Variants in PDE1C observed in about 807,000 individuals in gnomAD.
PDE1C encodes phosphodiesterase 1C.
In PDE1C, 62 loss-of-function variants were observed where a neutral mutation model predicts 93.1. That is an observed-to-expected ratio of 0.67 (90% CI 0.54 to 0.82). PDE1C has a LOEUF of 0.82. PDE1C is among the 40% of genes least tolerant of loss of function. The pLI, the probability that PDE1C is intolerant of heterozygous loss-of-function variation, is 0.00. For synonymous variants in PDE1C, 325 were observed against 310.1 expected, an observed-to-expected ratio of 1.05 and a Z score of -0.50; for missense variants, 742 against 884.6, an observed-to-expected ratio of 0.84 and a Z score of 2.04.
intron 2 of PDE1C, among the ~76,000 whole-genome samples, chr7:31,969,439 G>A (rs1234269086): frequency 2.0e-5 from 3 of 152,092 alleles, no homozygotes; most frequent in South Asian, 4.1e-4. Flanking sequence ...AAACCACAAC[G>A]AGATACCATC....
chr7:31,880,896 G>C (rs765766234), intron 2 of PDE1C, 36 bp from the exon 3 acceptor site: 1 of 1,263,668 alleles, frequency 7.9e-7, no homozygotes, highest in Non-Finnish European at 1.2e-6. Context: ...CATTAGAATA[G>C]AGGAAACAAA....
intron 1 of PDE1C, among the ~76,000 whole-genome samples, chr7:32,376,115 C>T (rs191702423): frequency 1.2e-4 from 19 of 152,190 alleles, no homozygotes; most frequent in African/African-American, 4.6e-4. Flanking sequence ...CAAGATCATG[C>T]CACTGCACTC....
chr7:32,195,910 G>A (rs780511472), intron 2 of PDE1C, among the ~76,000 whole-genome samples: 40 of 152,122 alleles, frequency 2.6e-4, no homozygotes, highest in Non-Finnish European at 3.5e-4. Context: ...GGGAAGGGGT[G>A]AGAGTTTCAG....
chr7:32,053,025 T>C, intron 1 of PDE1C, among the ~76,000 whole-genome samples: 1 of 152,322 alleles, frequency 6.6e-6, no homozygotes. Context: ...TATTTCCATG[T>C]TTATATTATA....
At chr7:32,061,103 AT>A (rs1487545655) in intron 1 of PDE1C, among the ~76,000 whole-genome samples, 2 of 152,218 alleles carry the variant, frequency 1.3e-5, no homozygotes, top group Non-Finnish European at 2.9e-5. Flanking sequence ...AGTCTTGGTT[AT>A]TTAAGCATTT....
At chr7:32,120,535 T>C (rs1224683170) in intron 3 of PDE1C, among the ~76,000 whole-genome samples, 1 of 152,160 alleles carries the variant, frequency 6.6e-6, no homozygotes. Flanking sequence ...CAGGCACCAG[T>C]CTTTGTTGTT....
chr7:32,058,483 C>G (rs75527031), intron 1 of PDE1C, among the ~76,000 whole-genome samples: 1,854 of 152,298 alleles, frequency 0.012, 21 homozygotes, highest in Non-Finnish European at 0.016. Context: ...TCTGAACGAT[C>G]ATCTGATCCT....
intron 1 of PDE1C, among the ~76,000 whole-genome samples, chr7:32,223,749 C>G (rs12701192): frequency 0.12 from 18,316 of 152,244 alleles, 1,195 homozygotes; most frequent in East Asian, 0.23. Flanking sequence ...AAGCCCCCCT[C>G]ATCAAATATT....
At chr7:31,952,208 C>G (rs1437315566) in intron 2 of PDE1C, among the ~76,000 whole-genome samples, 9 of 152,086 alleles carry the variant, frequency 5.9e-5, no homozygotes, top group Non-Finnish European at 7.4e-5. Context: ...TATAAATTCC[C>G]TACCCTTCTT....
chr7:32,069,594 A>G (rs1795788400), intron 1 of PDE1C, among the ~76,000 whole-genome samples: 1 of 152,062 alleles, frequency 6.6e-6, no homozygotes, highest in Non-Finnish European at 1.5e-5. Context: ...TTTTCAGGTC[A>G]CCTCTCCTCA....
At chr7:31,964,406 G>C (rs1563109419) in intron 2 of PDE1C, among the ~76,000 whole-genome samples, 1 of 152,244 alleles carries the variant, frequency 6.6e-6, no homozygotes, top group Non-Finnish European at 1.5e-5. Flanking sequence ...GTGAGGCTGG[G>C]GGAGGGGCGC....
intron 1 of PDE1C, among the ~76,000 whole-genome samples, chr7:32,291,498 T>C (rs544249622): frequency 2.0e-5 from 3 of 152,336 alleles, no homozygotes; most frequent in East Asian, 1.9e-4. Context: ...AGTTAGCATA[T>C]AGGTGAAATA....
At chr7:31,832,792 A>G (rs974663149) in intron 11 of PDE1C, among the ~76,000 whole-genome samples, 10 of 152,212 alleles carry the variant, frequency 6.6e-5, no homozygotes, top group African/African-American at 2.4e-4. Context: ...TTATTCGAGT[A>G]TATGTATGTG....
intron 1 of PDE1C, among the ~76,000 whole-genome samples, chr7:32,409,742 T>C (rs1423329785): frequency 1.3e-5 from 2 of 151,958 alleles, no homozygotes; most frequent in African/African-American, 4.8e-5. Flanking sequence ...TAGGAATCTT[T>C]GAATAATTTC....
intron 1 of PDE1C, among the ~76,000 whole-genome samples, chr7:32,418,481 A>T (rs1405614678): frequency 6.6e-6 from 1 of 152,196 alleles, no homozygotes; most frequent in African/African-American, 2.4e-5. Flanking sequence ...GTTCCTATGA[A>T]ATATAATGAT....
At chr7:31,937,279 A>T (rs1339026589) in intron 2 of PDE1C, among the ~76,000 whole-genome samples, 2 of 152,198 alleles carry the variant, frequency 1.3e-5, no homozygotes, top group African/African-American at 4.8e-5. Context: ...TTGCAGGACC[A>T]TTTCAAAATA....
chr7:32,141,534 C>T (rs868840826), intron 3 of PDE1C, among the ~76,000 whole-genome samples: 1 of 152,048 alleles, frequency 6.6e-6, no homozygotes. Context: ...ATCATAAAAC[C>T]CTAAACTAAT....
At chr7:31,990,619 T>C (rs550410184) in intron 2 of PDE1C, among the ~76,000 whole-genome samples, 2 of 152,312 alleles carry the variant, frequency 1.3e-5, no homozygotes, top group African/African-American at 4.8e-5. Flanking sequence ...TTTGTTTGAT[T>C]TTGAGAATCA....
chr7:31,673,063 G>C, the PDE1C span, among the ~76,000 whole-genome samples: 1 of 152,146 alleles, frequency 6.6e-6, no homozygotes, highest in Non-Finnish European at 1.5e-5. Flanking sequence ...CTGCCACATG[G>C]AACTGTGAGT....
Sources: allele counts gnomAD v4.1 joint callset (sites outside exome capture counted in the v4.1 genomes callset), GRCh38; gene constraint gnomAD v4.1.1; transcripts MANE v1.5; gene names NCBI Gene and HGNC (gene_info 2026-07-23, HGNC 2026-07-21).